Variants in CACNA1C observed in about 807,000 individuals in gnomAD.
The protein encoded by CACNA1C is calcium voltage-gated channel subunit alpha1 C.
Under a neutral mutation model 229.0 loss-of-function variants are expected in CACNA1C, and 30 were observed. The ratio of observed to expected loss-of-function variants is 0.13; its 90% CI spans 0.10 to 0.18. CACNA1C has a LOEUF of 0.18. Ranked by LOEUF, CACNA1C falls within the 10% of genes least tolerant of loss-of-function variation. CACNA1C has a pLI of 1.00. For synonymous variants in CACNA1C, 1,114 were observed against 1,132.5 expected, an observed-to-expected ratio of 0.98 and a Z score of 0.33; for missense variants, 1,658 against 2,845.0, an observed-to-expected ratio of 0.58 and a Z score of 9.49.
intron 30 of CACNA1C, among the ~76,000 whole-genome samples, chr12:2,634,929 C>T (rs538711891): frequency 7.2e-5 from 11 of 152,298 alleles, no homozygotes; most frequent in East Asian, 5.8e-4. Flanking sequence ...CCCATGATCT[C>T]GGGTTGAATG....
At chr12:2,137,290 T>C (rs2093634428) in intron 3 of CACNA1C, among the ~76,000 whole-genome samples, 1 of 151,302 alleles carries the variant, frequency 6.6e-6, no homozygotes, top group Non-Finnish European at 1.5e-5. Context: ...TTCACTTCTC[T>C]GAGTTTTAGG....
intron 1 of CACNA1C, among the ~76,000 whole-genome samples, chr12:2,002,938 C>A (rs1233483708): frequency 6.6e-6 from 1 of 152,068 alleles, no homozygotes; most frequent in Non-Finnish European, 1.5e-5. Context: ...AAGTAGGTGA[C>A]AAATTCCCCT....
chr12:2,013,863 A>G, intron 1 of CACNA1C, among the ~76,000 whole-genome samples: 1 of 152,164 alleles, frequency 6.6e-6, no homozygotes. Context: ...GAAACACTTT[A>G]AGTGTTTTGA....
At chr12:2,661,280 T>TACACACACACACACAC (rs1210712672) in intron 34 of CACNA1C, among the ~76,000 whole-genome samples, 2,586 of 123,344 alleles carry the variant, frequency 0.021, 50 homozygotes, top group Middle Eastern at 0.07. Flanking sequence ...TACACACACA[T>TACACACACACACACAC]ACACACACAC....
chr12:2,032,152 G>A (rs11062084), intron 1 of CACNA1C, among the ~76,000 whole-genome samples: 92,231 of 151,844 alleles, frequency 0.61, 29,922 homozygotes, highest in East Asian at 0.86. Context: ...CGGAGGGGGC[G>A]GGCATGCTCT....
intron 9 of CACNA1C, among the ~76,000 whole-genome samples, chr12:2,520,797 A>G (rs2099808088): frequency 6.7e-6 from 1 of 149,012 alleles, no homozygotes; most frequent in African/African-American, 2.5e-5. Flanking sequence ...AAGCCATGAC[A>G]GTCTTCTCAT....
At chr12:2,071,677 ACT>A (rs1191518092) in intron 1 of CACNA1C, among the ~76,000 whole-genome samples, 2 of 151,936 alleles carry the variant, frequency 1.3e-5, no homozygotes, top group African/African-American at 4.8e-5. Flanking sequence ...CCTCTGCTAC[ACT>A]CTGGATAATT....
intron 5 of CACNA1C, among the ~76,000 whole-genome samples, chr12:2,466,800 C>T (rs922084147): frequency 6.6e-6 from 1 of 152,110 alleles, no homozygotes; most frequent in African/African-American, 2.4e-5. Context: ...ACTGGCTGGC[C>T]TCTGCATCCC....
intron 3 of CACNA1C, among the ~76,000 whole-genome samples, chr12:2,185,597 G>T (rs977505028): frequency 9.2e-5 from 14 of 152,240 alleles, no homozygotes; most frequent in African/African-American, 3.1e-4. Flanking sequence ...GACACACATA[G>T]AAGGAAAAGC....
Position 1,971,230 on chromosome 12 carries a change from T to C in CACNA1C, c.139+29T>C. ...AGAAACCCTAAAGTGAAATAAAGAG[T>C]AGGAAGAACATGTTGAAATTTACTC... On this transcript the variant is annotated intron_variant, in intron 1 of 46. Coordinates refer to the CACNA1C transcript ENST00000682462. This position sits in a 1 kb window ranked among gnomAD's most constrained non-coding sequence, Gnocchi z 4.2. The C allele has an allele frequency of 1.1e-5, 13 of 1,234,824 alleles. No individual in the cohort carries two copies. The highest frequency in any genetic ancestry group is 1.4e-5 in the Non-Finnish European group (13 of 940,800). The allele number at this position is 1,234,824 out of a possible 1,614,324, so 76.5% of individuals were successfully genotyped here.
At chr12:2,659,918 G>T in intron 34 of CACNA1C, 1 of 172,308 alleles carries the variant, frequency 5.8e-6, no homozygotes, top group East Asian at 1.6e-4. Flanking sequence ...GCACTTCAGA[G>T]GTGATCATCT....
At chr12:2,260,993 G>A (rs1445432017) in intron 3 of CACNA1C, among the ~76,000 whole-genome samples, 1 of 152,132 alleles carries the variant, frequency 6.6e-6, no homozygotes, top group East Asian at 1.9e-4. Flanking sequence ...CACTTTGAGA[G>A]GCCGAGGCTG....
At chr12:2,310,560 AG>A (rs1485811095) in intron 3 of CACNA1C, among the ~76,000 whole-genome samples, 1 of 152,206 alleles carries the variant, frequency 6.6e-6, no homozygotes, top group Non-Finnish European at 1.5e-5. Flanking sequence ...GCAAATGCAA[AG>A]TATTTCTCAA....
intron 3 of CACNA1C, among the ~76,000 whole-genome samples, chr12:2,130,369 T>G (rs1006843895): frequency 2.7e-5 from 4 of 148,266 alleles, no homozygotes; most frequent in Admixed American, 6.7e-5. Flanking sequence ...TAGTTACATA[T>G]GTATACATGT....
At position 2,173,929 on chromosome 12, in the gene CACNA1C, A is replaced by G. The variant is rs186121650; in HGVS notation, c.477+53499A>G. ...TTGTTTCCTCATGTGGGAATCAGGG[A>G]CAATATTACCTACCTTTTAAGGGCC... On this transcript the variant is annotated intron_variant, in intron 3 of 46. Transcript: ENST00000399655. Among the ~76,000 whole-genome samples the G allele has an allele frequency of 6.5e-4, 99 of 152,156 alleles. 2 individuals are homozygous for G. The highest frequency in any genetic ancestry group is 2.2e-3 in the African/African-American group (92 of 41,494).
intron 3 of CACNA1C, among the ~76,000 whole-genome samples, chr12:2,122,797 G>A (rs1411984905): frequency 6.6e-6 from 1 of 152,150 alleles, no homozygotes; most frequent in Non-Finnish European, 1.5e-5. Flanking sequence ...CTTTCCAAAG[G>A]CCTGGCCCCA....
chr12:2,060,265 G>A (rs2056969144), intron 1 of CACNA1C, among the ~76,000 whole-genome samples: 1 of 152,170 alleles, frequency 6.6e-6, no homozygotes, highest in African/African-American at 2.4e-5. Flanking sequence ...GATTCTTCAT[G>A]GACCAGCTGG....
At chr12:2,560,613 G>T (rs935048000) in intron 11 of CACNA1C, among the ~76,000 whole-genome samples, 1 of 152,120 alleles carries the variant, frequency 6.6e-6, no homozygotes, top group Non-Finnish European at 1.5e-5. Context: ...GGAGTTTCTG[G>T]ATCTCAACTT....
chr12:2,565,473 C>G (rs1430726484), intron 11 of CACNA1C, among the ~76,000 whole-genome samples: 6 of 33,468 alleles, frequency 1.8e-4, no homozygotes, highest in Non-Finnish European at 3.8e-4. Context: ...GACTCCGTCT[C>G]AGAAAAAAAA....
Sources: gnomAD v4.1 joint callset for allele counts (sites outside exome capture counted in the v4.1 genomes callset) on GRCh38, gnomAD v4.1.1 for gene constraint, Gnocchi (gnomAD v3.1) non-coding constraint, MANE v1.5 for transcripts, NCBI Gene and HGNC (gene_info 2026-07-23, HGNC 2026-07-21) for gene names.